MYH9: variants seen among roughly 807,000 people sequenced by gnomAD.
The protein encoded by MYH9 is myosin-9.
MYH9 carries 29 observed loss-of-function variants against 241.9 expected under a neutral mutation model. The observed-to-expected ratio is 0.12, with a 90% CI of 0.09 to 0.16. MYH9 has a LOEUF of 0.16. Ranked by LOEUF, MYH9 falls within the 10% of genes least tolerant of loss-of-function variation. The probability of loss-of-function intolerance (pLI) is 1.00; values close to 1 mark genes in which losing one functional copy is unlikely to be tolerated. For missense variants in MYH9, 1,803 were observed against 2,595.5 expected, an observed-to-expected ratio of 0.69 and a Z score of 6.63; for synonymous variants, 1,047 against 1,062.6, an observed-to-expected ratio of 0.99 and a Z score of 0.29.
chr22:36,320,671 C>G lies in MYH9; in HGVS notation c.868+127G>C. ...AGGATGGCGCAGAGAACAGGAGTCA[C>G]TCTCACTTCTCCCCGTTAAACCCAA... On this transcript the variant is annotated intron_variant, in intron 8 of 40. Coordinates refer to ENST00000216181, the MANE Select transcript of MYH9 (RefSeq NM_002473.6). The surrounding 1 kb of genome is among the most constrained non-coding windows in gnomAD (Gnocchi z 4.8). The G allele has an allele frequency of 1.2e-6, 1 of 804,920 alleles. No homozygotes were observed. The highest frequency in any genetic ancestry group is 2.1e-6 in the Non-Finnish European group (1 of 480,618). The allele number at this position is 804,920 out of a possible 1,614,324, so 49.9% of individuals were successfully genotyped here.
chr22:36,316,532 G>A lies in MYH9; in HGVS notation c.1365C>T (p.Gly455=). The part of the protein sequence containing the change: ...ASFIGILDIA[G]FEIFDLNSFE... Reference sequence around the variant, plus strand: ...CAAGGCTCACATCAAAGATCTCGAAGCCGGCAATGTCCAGGATCCCGATGA... The same window carrying A: ...CAAGGCTCACATCAAAGATCTCGAAACCGGCAATGTCCAGGATCCCGATGA... Residue 455 remains glycine, a synonymous_variant, in exon 12 of 41, where the codon GGC becomes GGT. Coordinates refer to ENST00000216181, the MANE Select transcript of MYH9 (RefSeq NM_002473.6). 6.2e-7 allele frequency: 1 copy of A among 1,614,112 alleles called. No homozygotes were observed. Among genetic ancestry groups the A allele is most frequent in the Non-Finnish European group, 8.5e-7 (1 of 1,180,034 alleles).
chr22:36,343,760 G>A (rs1191728539), intron 2 of MYH9, among the ~76,000 whole-genome samples: 1 of 152,160 alleles, frequency 6.6e-6, no homozygotes, highest in Non-Finnish European at 1.5e-5. Flanking sequence ...GGCATTTCAG[G>A]AGGAAGAGAC....
intron 11 of MYH9, among the ~76,000 whole-genome samples, chr22:36,317,803 G>A (rs1481371774): frequency 6.6e-6 from 1 of 152,274 alleles, no homozygotes; most frequent in Non-Finnish European, 1.5e-5. Flanking sequence ...AGGTGGTAGA[G>A]AAACAGCCGC....
chr22:36,361,429 G>A (rs1324947899), intron 1 of MYH9, among the ~76,000 whole-genome samples: 1 of 152,168 alleles, frequency 6.6e-6, no homozygotes, highest in Non-Finnish European at 1.5e-5. Flanking sequence ...GTCCAAGGGA[G>A]GGCCTGTGGT....
intron 5 of MYH9, among the ~76,000 whole-genome samples, chr22:36,324,847 A>G (rs968394750): frequency 3.3e-5 from 5 of 152,174 alleles, no homozygotes; most frequent in African/African-American, 4.8e-5. Context: ...CGTGGCTCCC[A>G]CTGTCACCCC....
At chr22:36,304,187 C>G (rs781699931) in intron 18 of MYH9, 32 bp from the exon 19 acceptor site, 7 of 1,612,200 alleles carry the variant, frequency 4.3e-6, no homozygotes, top group Non-Finnish European at 5.1e-6. Flanking sequence ...TTTACCTGGC[C>G]AGCAACTGGC....
At position 36,320,460 on chromosome 22, in the gene MYH9, C is replaced by T; in HGVS notation, c.869-97G>A. ...CAAAGGTTGGAGAGACTGGGACAGA[C>T]CCTGAGCCCTGACGCACCCTGGAAA... is the stretch of plus-strand genomic sequence containing the variant. On this transcript the variant is annotated intron_variant, in intron 8 of 40. Coordinates refer to ENST00000216181, the MANE Select transcript of MYH9 (RefSeq NM_002473.6). This position sits in a 1 kb window ranked among gnomAD's most constrained non-coding sequence, Gnocchi z 4.8. 2 of 1,507,712 alleles carry T rather than the reference C, an allele frequency of 1.3e-6. No homozygotes were observed. The highest frequency in any genetic ancestry group is 1.8e-6 in the Non-Finnish European group (2 of 1,098,166). The allele number at this position is 1,507,712 out of a possible 1,614,324, so 93.4% of individuals were successfully genotyped here. A position where few individuals can be genotyped will look rare whatever the true frequency, so the allele number is the denominator to read the frequency against.
In MYH9 at chr22:36,288,164, C is replaced by A; in HGVS notation, c.4932+88G>T. 6.5e-7 allele frequency: 1 copy of A among 1,542,392 alleles called. No individual in the cohort carries two copies. The highest frequency in any genetic ancestry group is 1.1e-5 in the South Asian group (1 of 88,944). ...CCAGGAGGTGCCACCCTGCCAGGTT[C>A]CCGCCCTGGGCCGAGCCCTGGCACC... On this transcript the variant is annotated intron_variant, in intron 34 of 40. Transcript: ENST00000216181. The surrounding 1 kb of genome is among the most constrained non-coding windows in gnomAD (Gnocchi z 4.8).
rs1435505083 is a variant in MYH9 at position 36,305,487 on chromosome 22, G to A, written c.2160-385C>T. 6.6e-6 allele frequency among the ~76,000 whole-genome samples: 1 copy of A among 152,146 alleles called. No individual in the cohort carries two copies. Among genetic ancestry groups the A allele is most frequent in the Non-Finnish European group, 1.5e-5 (1 of 68,032 alleles). On this transcript the variant is annotated intron_variant, in intron 17 of 40. Transcript: ENST00000216181. The surrounding 1 kb of genome is among the most constrained non-coding windows in gnomAD (Gnocchi z 4.7). ...AACAGAGATGGCCCAAGAAATAAAG[G>A]GCTGCGTCCCGACAGCAACTGACAC... is the stretch of plus-strand genomic sequence containing the variant.
chr22:36,360,030 ACACCACCACCACCACCACCAC>A (rs136207), intron 1 of MYH9, among the ~76,000 whole-genome samples: 6 of 102,244 alleles, frequency 5.9e-5, no homozygotes, highest in African/African-American at 1.8e-4. Flanking sequence ...ATGAGGACAA[ACACCACCACCACCACCACCAC>A]CACCACCACC....
At chr22:36,303,015 G>T (rs773293550) in intron 19 of MYH9, among the ~76,000 whole-genome samples, 44 of 152,166 alleles carry the variant, frequency 2.9e-4, no homozygotes, top group Non-Finnish European at 5.6e-4. Context: ...AAGCTGACTG[G>T]CCCTGGGTGA....
intron 3 of MYH9, among the ~76,000 whole-genome samples, chr22:36,339,554 A>G (rs547590253): frequency 6.6e-6 from 1 of 152,328 alleles, no homozygotes; most frequent in Admixed American, 6.5e-5. Context: ...CATCCTACAT[A>G]ATGCATCAAG....
Position 36,305,901 on chromosome 22 carries a change from G to C in MYH9, c.2159+29C>G, listed in dbSNP as rs755315676. The C allele has an allele frequency of 6.2e-7, 1 of 1,612,222 alleles. No individual in the cohort carries two copies. Among genetic ancestry groups the C allele is most frequent in the South Asian group, 1.1e-5 (1 of 91,076 alleles). On this transcript the variant is annotated intron_variant, in intron 17 of 40. Transcript: ENST00000216181. This position sits in a 1 kb window ranked among gnomAD's most constrained non-coding sequence, Gnocchi z 4.7. ...CTCACTGCACGCACAGCAGGGCCCA[G>C]GAGAAGCGGGCTCCGGGCCCTGGCT...
chr22:36,308,329 G>A (rs1299374623), intron 15 of MYH9, among the ~76,000 whole-genome samples: 3 of 151,324 alleles, frequency 2.0e-5, no homozygotes, highest in Admixed American at 1.3e-4. Context: ...GTACAGTGGT[G>A]CAATCACAGC....
At chr22:36,345,067 C>T (rs576409688) in intron 2 of MYH9, among the ~76,000 whole-genome samples, 8 of 152,248 alleles carry the variant, frequency 5.3e-5, no homozygotes, top group African/African-American at 9.6e-5. Flanking sequence ...AATCCCAGCA[C>T]TTTGGGAGGC....
intron 1 of MYH9, among the ~76,000 whole-genome samples, chr22:36,368,802 A>G (rs1045370295): frequency 2.0e-5 from 3 of 151,958 alleles, no homozygotes; most frequent in Non-Finnish European, 4.4e-5. Flanking sequence ...CAGGTCCTGC[A>G]GCACAACAAA....
At position 36,294,292 on chromosome 22, in the gene MYH9, C is replaced by T. The variant is rs1330818840; in HGVS notation, c.3637G>A (p.Ala1213Thr). Residue 1213 changes from alanine (A) to threonine (T), a missense_variant, in exon 28 of 41, where the codon GCA (alanine) becomes ACA (threonine). Transcript: ENST00000216181. Reference protein sequence around the residue: ...EQLEQTKRVKANLEKAKQTLE... With the variant: ...EQLEQTKRVKTNLEKAKQTLE... ...GTCTGCTTTGCCTTCTCGAGGTTTG[C>T]TTTCACCTAGCAGGGAAGAAAGCAA... 3 of 1,613,784 alleles carry T rather than the reference C, an allele frequency of 1.9e-6. No homozygotes were observed. Among genetic ancestry groups the T allele is most frequent in the Non-Finnish European group, 2.5e-6 (3 of 1,180,038 alleles).
intron 3 of MYH9, among the ~76,000 whole-genome samples, chr22:36,339,453 A>G (rs2017548467): frequency 6.6e-6 from 1 of 152,236 alleles, no homozygotes; most frequent in African/African-American, 2.4e-5. Context: ...AGCATTTTGA[A>G]ACAGACATTC....
rs749390875 is a variant in MYH9 at position 36,296,963 on chromosome 22, C to T, written c.3152G>A (p.Arg1051Gln). The T allele has an allele frequency of 2.5e-6, 4 of 1,614,180 alleles. No homozygotes were observed. Among genetic ancestry groups the T allele is most frequent in the Non-Finnish European group, 3.4e-6 (4 of 1,180,028 alleles). The change falls in exon 25 of 41, where the codon CGG becomes CAG. Residue 1051 changes from arginine (R) to glutamine (Q), a missense_variant. Around this residue, in one of 11 missense-constraint regions of MYH9, gnomAD observed 290 missense variants for 360.5 expected, o/e 0.80. Transcript: ENST00000216181. ...KQRQELEKTR[R>Q]KLEGDSTDLS... Reference sequence around the variant, plus strand: ...GTCTGTGGAGTCTCCCTCCAGCTTCCGGCGGGTCTTCTCCAGCTCCTGTCG... The same window carrying T: ...GTCTGTGGAGTCTCCCTCCAGCTTCTGGCGGGTCTTCTCCAGCTCCTGTCG...
Sources: gnomAD v4.1 joint callset for allele counts (sites outside exome capture counted in the v4.1 genomes callset) on GRCh38, gnomAD v4.1.1 for gene constraint, gnomAD v4.1.1 regional missense constraint, Gnocchi (gnomAD v3.1) non-coding constraint, MANE v1.5 for transcripts, NCBI Gene and HGNC (gene_info 2026-07-23, HGNC 2026-07-21) for gene names.